Variants in SRRM4 observed in about 807,000 individuals in gnomAD.
The protein encoded by SRRM4 is serine/arginine repetitive matrix protein 4.
In SRRM4, 33 loss-of-function variants were observed where a neutral mutation model predicts 68.9. The ratio of observed to expected loss-of-function variants is 0.48; its 90% CI spans 0.36 to 0.64. The LOEUF is 0.64. Among genes scored for constraint, SRRM4 ranks in the 30% least tolerant of loss-of-function variants. The pLI is 0.00. For synonymous variants in SRRM4, 318 were observed against 318.8 expected, an observed-to-expected ratio of 1.00 and a Z score of 0.03; for missense variants, 817 against 827.1, an observed-to-expected ratio of 0.99 and a Z score of 0.15.
intron 1 of SRRM4, among the ~76,000 whole-genome samples, chr12:119,019,961 C>CCCCCAAA (rs547396065): frequency 6.7e-5 from 6 of 90,100 alleles, no homozygotes; most frequent in Admixed American, 1.2e-4. Flanking sequence ...CCCCCCCCCC[C>CCCCCAAA]AAAAAAAAAT....
intron 1 of SRRM4, among the ~76,000 whole-genome samples, chr12:119,083,918 G>T (rs1467952792): frequency 3.3e-5 from 5 of 152,188 alleles, no homozygotes; most frequent in African/African-American, 1.2e-4. Flanking sequence ...TTTGAAGTGG[G>T]CAGAACAGCA....
chr12:119,156,963 A>C lies in SRRM4; in HGVS notation c.*165A>C. On this transcript the variant is annotated 3_prime_UTR_variant, in exon 13 of 13. Coordinates refer to ENST00000267260, the MANE Select transcript of SRRM4 (RefSeq NM_194286.4). ...AGAGGGTAAGGGGGCTTCACTCTCT[A>C]GATCAGCCTGCTAGGAGCCTCTACC... 1.2e-6 allele frequency: 1 copy of C among 835,458 alleles called. No homozygotes were observed. Among genetic ancestry groups the C allele is most frequent in the Non-Finnish European group, 1.8e-6 (1 of 556,954 alleles). 51.8% of individuals were successfully genotyped at this position (835,458 alleles called of 1,614,324 possible).
At chr12:119,086,835 T>C (rs567463719) in intron 1 of SRRM4, among the ~76,000 whole-genome samples, 2 of 152,340 alleles carry the variant, frequency 1.3e-5, no homozygotes, top group African/African-American at 4.8e-5. Context: ...GCCACCGATT[T>C]CTTTTGAAGG....
chr12:119,096,112 C>A (rs901920794), intron 1 of SRRM4, among the ~76,000 whole-genome samples: 2 of 151,578 alleles, frequency 1.3e-5, no homozygotes, highest in Admixed American at 1.3e-4. Flanking sequence ...GCTCTGCCTT[C>A]CAGGTTCATG....
intron 1 of SRRM4, among the ~76,000 whole-genome samples, chr12:118,989,391 C>T (rs1011380259): frequency 6.6e-6 from 1 of 152,170 alleles, no homozygotes; most frequent in Non-Finnish European, 1.5e-5. Context: ...TTTGTTCCCA[C>T]GGTGCAAGGG....
At chr12:119,015,081 G>A (rs1012179645) in intron 1 of SRRM4, among the ~76,000 whole-genome samples, 28 of 152,182 alleles carry the variant, frequency 1.8e-4, no homozygotes, top group African/African-American at 6.8e-4. Flanking sequence ...AAATGAATGA[G>A]GCTGAACTAC....
At chr12:119,113,481 A>G (rs950359471) in intron 2 of SRRM4, among the ~76,000 whole-genome samples, 2 of 152,224 alleles carry the variant, frequency 1.3e-5, no homozygotes, top group African/African-American at 4.8e-5. Flanking sequence ...ATCCCAATAT[A>G]TAAAAAAACT....
chr12:119,154,118 C>T lies in SRRM4; in HGVS notation c.1392-125C>T. 1 of 868,816 alleles carries T rather than the reference C, an allele frequency of 1.2e-6. No individual in the cohort carries two copies. Among genetic ancestry groups the T allele is most frequent in the Non-Finnish European group, 1.8e-6 (1 of 561,910 alleles). 53.8% of individuals were successfully genotyped at this position (868,816 alleles called of 1,614,324 possible). ...ATCCTCCCTCCGGTCTCCCTTGCGG[C>T]AACGTGCAGACCCCATCCCGTGACC... is the stretch of plus-strand genomic sequence containing the variant. On this transcript the variant is annotated intron_variant, in intron 11 of 12. Coordinates refer to ENST00000267260, the MANE Select transcript of SRRM4 (RefSeq NM_194286.4). The surrounding 1 kb of genome is among the most constrained non-coding windows in gnomAD (Gnocchi z 4.7).
At chr12:119,067,795 T>A (rs937691660) in intron 1 of SRRM4, among the ~76,000 whole-genome samples, 1 of 152,246 alleles carries the variant, frequency 6.6e-6, no homozygotes, top group Non-Finnish European at 1.5e-5. Context: ...CTACACATTA[T>A]GTGGCCTTGG....
At chr12:119,060,872 A>T (rs1421284148) in intron 1 of SRRM4, among the ~76,000 whole-genome samples, 3 of 152,182 alleles carry the variant, frequency 2.0e-5, no homozygotes, top group Non-Finnish European at 4.4e-5. Context: ...GTGAGATGAA[A>T]GGAGGAACAC....
intron 8 of SRRM4, among the ~76,000 whole-genome samples, chr12:119,131,173 A>G (rs1251935923): frequency 1.3e-5 from 2 of 152,180 alleles, no homozygotes; most frequent in South Asian, 2.1e-4. Flanking sequence ...TGTTTTTGGG[A>G]GAGAAAGGAA....
intron 9 of SRRM4, among the ~76,000 whole-genome samples, chr12:119,148,354 G>A (rs1361952851): frequency 6.6e-6 from 1 of 152,196 alleles, no homozygotes; most frequent in Admixed American, 6.5e-5. Flanking sequence ...GAGAACCTGA[G>A]CTGGGCCAGA....
chr12:119,055,315 C>G (rs1429897236), intron 1 of SRRM4, among the ~76,000 whole-genome samples: 1 of 152,122 alleles, frequency 6.6e-6, no homozygotes, highest in East Asian at 1.9e-4. Context: ...GGGCCAGTAA[C>G]TCCCTCCCCA....
At chr12:119,089,332 T>C (rs139511354) in intron 1 of SRRM4, among the ~76,000 whole-genome samples, 2 of 152,230 alleles carry the variant, frequency 1.3e-5, no homozygotes, top group Non-Finnish European at 2.9e-5. Flanking sequence ...AAACCCACAA[T>C]CCTGAGGTAA....
intron 1 of SRRM4, among the ~76,000 whole-genome samples, chr12:118,985,864 A>AAC (rs1216718771): frequency 6.6e-6 from 1 of 152,246 alleles, no homozygotes; most frequent in Non-Finnish European, 1.5e-5. Flanking sequence ...AACATGTAAA[A>AAC]ATCATTTGAA....
At position 119,148,902 on chromosome 12, in the gene SRRM4, C is replaced by G. The variant is rs141175578; in HGVS notation, c.1077-2115C>G. ...GGGCTGAGTGGAAGAGACATCAGCT[C>G]TAAATCAAAGGAACCATAGACACTG... On this transcript the variant is annotated intron_variant, in intron 9 of 12. Coordinates refer to ENST00000267260, the MANE Select transcript of SRRM4 (RefSeq NM_194286.4). 7.4e-4 allele frequency among the ~76,000 whole-genome samples: 112 copies of G among 152,076 alleles called. 1 individual carries two copies. The East Asian group carries it at 0.014, about 19-fold the overall frequency.
chr12:119,024,143 G>A (rs1247496973), intron 1 of SRRM4, among the ~76,000 whole-genome samples: 1 of 152,150 alleles, frequency 6.6e-6, no homozygotes, highest in Non-Finnish European at 1.5e-5. Context: ...TATATATGCA[G>A]TGTCTAAACC....
intron 1 of SRRM4, among the ~76,000 whole-genome samples, chr12:119,006,513 G>A (rs1224598057): frequency 6.6e-6 from 1 of 152,142 alleles, no homozygotes; most frequent in Non-Finnish European, 1.5e-5. Flanking sequence ...TTCTGCTCCC[G>A]ACTCCCCATT....
intron 4 of SRRM4, among the ~76,000 whole-genome samples, chr12:119,117,944 A>G (rs1273924498): frequency 1.3e-5 from 2 of 151,352 alleles, no homozygotes; most frequent in South Asian, 2.1e-4. Flanking sequence ...AACAAAGGAT[A>G]TACAACAGAG....
Sources: allele counts gnomAD v4.1 joint callset (sites outside exome capture counted in the v4.1 genomes callset), GRCh38; gene constraint gnomAD v4.1.1; non-coding constraint Gnocchi (gnomAD v3.1); transcripts MANE v1.5; gene names NCBI Gene and HGNC (gene_info 2026-07-23, HGNC 2026-07-21).